Variants in ADAMTSL1 observed in about 807,000 individuals in gnomAD.
The protein encoded by ADAMTSL1 is ADAMTS-like protein 1.
In ADAMTSL1, 126 loss-of-function variants were observed where a neutral mutation model predicts 201.8. That is an observed-to-expected ratio of 0.62 (90% confidence interval 0.54 to 0.72). The LOEUF (loss-of-function observed/expected upper bound fraction) is 0.72, where lower values mean the gene tolerates loss of function less well. Among genes scored for constraint, ADAMTSL1 ranks in the 30% least tolerant of loss-of-function variants. The probability of loss-of-function intolerance (pLI) is 0.00; values close to 1 mark genes in which losing one functional copy is unlikely to be tolerated. For synonymous variants in ADAMTSL1, 1,121 were observed against 903.4 expected (o/e 1.24, Z -4.32); for missense variants, 2,679 against 2,277.8 (o/e 1.18, Z -3.59).
chr9:18,408,284 C>T (rs907071612), intron 2 of ADAMTSL1, among the ~76,000 whole-genome samples: 1 of 152,120 alleles, frequency 6.6e-6, no homozygotes, highest in Non-Finnish European at 1.5e-5. Context: ...ACCTGGCCAA[C>T]ATGGTGAAAC....
At chr9:18,181,051 A>G (rs1828449323) in intron 2 of ADAMTSL1, among the ~76,000 whole-genome samples, 1 of 152,204 alleles carries the variant, frequency 6.6e-6, no homozygotes, top group Non-Finnish European at 1.5e-5. Context: ...TTCCCTATTT[A>G]ATAAATGGTG....
At chr9:18,608,807 TG>T in intron 4 of ADAMTSL1, among the ~76,000 whole-genome samples, 1 of 152,214 alleles carries the variant, frequency 6.6e-6, no homozygotes, top group South Asian at 2.1e-4. Flanking sequence ...ATTGGTTCAT[TG>T]TTAATTCTGA....
At chr9:18,287,590 T>C (rs1022871564) in intron 2 of ADAMTSL1, among the ~76,000 whole-genome samples, 12 of 139,072 alleles carry the variant, frequency 8.6e-5, no homozygotes, top group Admixed American at 4.2e-4. Flanking sequence ...TATGTGTATA[T>C]ATACACACAT....
At chr9:18,409,870 A>G (rs1376939363) in intron 2 of ADAMTSL1, among the ~76,000 whole-genome samples, 1 of 150,412 alleles carries the variant, frequency 6.6e-6, no homozygotes, top group Non-Finnish European at 1.5e-5. Context: ...TTATATATGT[A>G]TACATATATA....
At chr9:18,013,657 C>T (rs886978232) in intron 1 of ADAMTSL1, among the ~76,000 whole-genome samples, 1 of 151,984 alleles carries the variant, frequency 6.6e-6, no homozygotes, top group Non-Finnish European at 1.5e-5. Context: ...TGTTACTCAA[C>T]TTTAGTTTTA....
At chr9:18,359,474 A>G (rs144764941) in intron 2 of ADAMTSL1, among the ~76,000 whole-genome samples, 3 of 152,322 alleles carry the variant, frequency 2.0e-5, no homozygotes, top group East Asian at 3.9e-4. Context: ...AGTGAGGACA[A>G]TGTTTGACCC....
intron 2 of ADAMTSL1, among the ~76,000 whole-genome samples, chr9:18,331,781 G>A (rs1397439177): frequency 6.6e-6 from 1 of 152,178 alleles, no homozygotes; most frequent in African/African-American, 2.4e-5. Context: ...CTATGCATCA[G>A]TAGCTCTGGC....
intron 5 of ADAMTSL1, among the ~76,000 whole-genome samples, chr9:18,628,505 T>C (rs1219001405): frequency 1.3e-5 from 2 of 152,208 alleles, no homozygotes; most frequent in African/African-American, 4.8e-5. Context: ...AATGTGGTAG[T>C]GTGATTTCTC....
chr9:18,537,081 T>C (rs1197264885), intron 3 of ADAMTSL1, among the ~76,000 whole-genome samples: 1 of 152,326 alleles, frequency 6.6e-6, no homozygotes, highest in Middle Eastern at 3.4e-3. Flanking sequence ...CATTTTACTG[T>C]TTTTAAGACA....
At chr9:18,775,705 C>G (rs1217168961) in intron 17 of ADAMTSL1, 38 bp from the exon 18 acceptor site, 2 of 1,602,706 alleles carry the variant, frequency 1.2e-6, no homozygotes, top group Non-Finnish European at 1.7e-6. Flanking sequence ...TTCTAGTTCC[C>G]AGAATTTATG....
chr9:18,617,486 A>AT (rs34058021), intron 4 of ADAMTSL1, among the ~76,000 whole-genome samples: 1,624 of 38,444 alleles, frequency 0.042, 35 homozygotes, highest in African/African-American at 0.13. Flanking sequence ...ATCCTAGTTT[A>AT]TTTTTTTTTT....
intron 2 of ADAMTSL1, among the ~76,000 whole-genome samples, chr9:18,408,953 A>C (rs1818315826): frequency 6.6e-6 from 1 of 152,232 alleles, no homozygotes; most frequent in African/African-American, 2.4e-5. Context: ...AACAATTTTC[A>C]TAGGAGTTTT....
rs200303049 is a variant in ADAMTSL1, at chr9:18,906,823, G to T, written c.5093G>T (p.Arg1698Leu). 1.9e-6 allele frequency: 3 copies of T among 1,613,890 alleles called. No homozygotes were observed. The highest frequency in any genetic ancestry group is 2.2e-5 in the East Asian group (1 of 44,884). Residue 1698 changes from arginine to leucine, a missense_variant, in exon 28 of 29, where the codon CGC becomes CTC. Transcript: ENST00000380548. Reference sequence around the variant, plus strand: ...CGGCGTGTGGAGTGTGTGCATGCCCGCACCAACAAGGCAGTGCCTGAGCAC... The same window carrying T: ...CGGCGTGTGGAGTGTGTGCATGCCCTCACCAACAAGGCAGTGCCTGAGCAC... The part of the protein sequence containing the change: ...QSRRVECVHA[R>L]TNKAVPEHLC...
At chr9:18,397,516 C>T (rs866961961) in intron 2 of ADAMTSL1, among the ~76,000 whole-genome samples, 8 of 152,016 alleles carry the variant, frequency 5.3e-5, no homozygotes, top group Middle Eastern at 3.2e-3. Flanking sequence ...ACAAACAAAA[C>T]CACCGTGTGA....
At chr9:18,565,416 A>G (rs776240879) in intron 3 of ADAMTSL1, among the ~76,000 whole-genome samples, 1 of 152,218 alleles carries the variant, frequency 6.6e-6, no homozygotes, top group Admixed American at 6.5e-5. Flanking sequence ...TCCCTTGAAT[A>G]TGTTATTTTC....
intron 15 of ADAMTSL1, among the ~76,000 whole-genome samples, chr9:18,748,095 G>T (rs1295419574): frequency 6.6e-6 from 1 of 152,194 alleles, no homozygotes; most frequent in African/African-American, 2.4e-5. Flanking sequence ...GTCAACTCAT[G>T]GAGGCTTTCC....
At chr9:18,516,638 C>T (rs1818379304) in intron 2 of ADAMTSL1, among the ~76,000 whole-genome samples, 1 of 152,144 alleles carries the variant, frequency 6.6e-6, no homozygotes. Flanking sequence ...CCACTGTTCT[C>T]TACTTGTATG....
intron 1 of ADAMTSL1, among the ~76,000 whole-genome samples, chr9:18,027,169 G>C (rs1431056469): frequency 6.7e-6 from 1 of 150,242 alleles, no homozygotes; most frequent in Non-Finnish European, 1.5e-5. Flanking sequence ...ACAAACTTTT[G>C]ATTTCATTGG....
intron 2 of ADAMTSL1, among the ~76,000 whole-genome samples, chr9:18,373,674 C>G (rs1488489907): frequency 3.9e-5 from 6 of 152,128 alleles, no homozygotes; most frequent in African/African-American, 2.4e-5. Flanking sequence ...AGCAGCCTAA[C>G]CATGCCACAC....
Sources: gnomAD v4.1 joint callset for allele counts (sites outside exome capture counted in the v4.1 genomes callset) on GRCh38, gnomAD v4.1.1 for gene constraint, MANE v1.5 for transcripts, NCBI Gene and HGNC (gene_info 2026-07-23, HGNC 2026-07-21) for gene names.